The following GPR157 variants were observed in gnomAD, a reference collection of about 807,000 sequenced individuals.
The protein encoded by GPR157 is G protein-coupled receptor 157.
In GPR157, 16 loss-of-function variants were observed where a neutral mutation model predicts 23.5. The observed-to-expected ratio is 0.68, with a 90% confidence interval of 0.46 to 1.04. The LOEUF (loss-of-function observed/expected upper bound fraction) is 1.04. Among genes scored for constraint, GPR157 ranks in the 50% least tolerant of loss-of-function variants. The pLI is 0.00. For synonymous variants in GPR157, 200 were observed against 221.5 expected, an observed-to-expected ratio of 0.90 and a Z score of 0.86; for missense variants, 440 against 460.7, an observed-to-expected ratio of 0.96 and a Z score of 0.41.
chr1:9,120,300 C>T lies in GPR157; in HGVS notation c.383+8345G>A, dbSNP rs6657535. 6.6e-6 allele frequency among the ~76,000 whole-genome samples: 1 copy of T among 152,134 alleles called. No homozygotes were observed. Among genetic ancestry groups the T allele is most frequent in the African/African-American group, 2.4e-5 (1 of 41,412 alleles). ...CCCAAACTTCATCCTTCCTACAGAT[C>T]TCTGGGGGCTGGCACCTGCCAGGAG... On this transcript the variant is annotated intron_variant, in intron 1 of 3. Coordinates refer to ENST00000377411, the MANE Select transcript of GPR157 (RefSeq NM_024980.5). This position sits in a 1 kb window ranked among gnomAD's most constrained non-coding sequence, Gnocchi z 4.1.
Position 9,101,819 on chromosome 1 carries a change from C to T in GPR157, c.*2600G>A, listed in dbSNP as rs1642569834. The stretch of plus-strand genomic sequence containing the variant: ...GTACAGCAGGGAGGGCTCCAGAGGC[C>T]CCTGCTGAGCAGGGTTGATCCTAAC... On this transcript the variant is annotated 3_prime_UTR_variant, in exon 4 of 4. Coordinates refer to ENST00000377411, the MANE Select transcript of GPR157 (RefSeq NM_024980.5). 6.6e-6 allele frequency: 1 copy of T among 152,162 alleles called. No homozygotes were observed. 9.4% of individuals were successfully genotyped at this position (152,162 alleles called of 1,614,324 possible). A position where few individuals can be genotyped will look rare whatever the true frequency, so the allele number is the denominator to read the frequency against.
At chr1:9,121,169 C>A (rs1170103000) in intron 1 of GPR157, among the ~76,000 whole-genome samples, 1 of 151,782 alleles carries the variant, frequency 6.6e-6, no homozygotes, top group African/African-American at 2.4e-5. Flanking sequence ...CCCGTCTTTA[C>A]TAAAAATACA....
At chr1:9,117,700 T>C (rs1003562785) in intron 1 of GPR157, among the ~76,000 whole-genome samples, 1 of 151,986 alleles carries the variant, frequency 6.6e-6, no homozygotes, top group Non-Finnish European at 1.5e-5. Context: ...AGGTGGAGGT[T>C]GCAGTAAACT....
intron 1 of GPR157, among the ~76,000 whole-genome samples, chr1:9,112,277 C>T (rs1638528014): frequency 6.6e-6 from 1 of 152,210 alleles, no homozygotes; most frequent in Admixed American, 6.5e-5. Flanking sequence ...CAGGGAATTC[C>T]AGGGTTCTGC....
Position 9,105,256 on chromosome 1 carries a change from T to A in GPR157, c.792+230A>T, listed in dbSNP as rs887403347. On this transcript the variant is annotated intron_variant, in intron 3 of 3. Transcript: ENST00000377411. This position sits in a 1 kb window ranked among gnomAD's most constrained non-coding sequence, Gnocchi z 4.8. ...CAGTCAACTCTCCTAGGGCTACTCC[T>A]AGGTCACTGGTGAGCACCTCACCAC... Among the ~76,000 whole-genome samples the A allele has an allele frequency of 6.6e-6, 1 of 152,078 alleles. No individual in the cohort carries two copies. Among genetic ancestry groups the A allele is most frequent in the Admixed American group, 6.5e-5 (1 of 15,276 alleles).
At chr1:9,121,466 C>A (rs1004886239) in intron 1 of GPR157, among the ~76,000 whole-genome samples, 1 of 151,860 alleles carries the variant, frequency 6.6e-6, no homozygotes, top group Non-Finnish European at 1.5e-5. Context: ...GGTAAAACAC[C>A]GTCTCTACTA....
Position 9,102,410 on chromosome 1 carries a change from C to CAAAAAAAAAA in GPR157, c.*1999_*2008dup, listed in dbSNP as rs67129142. On this transcript the variant is annotated 3_prime_UTR_variant, in exon 4 of 4. Coordinates refer to ENST00000377411, the MANE Select transcript of GPR157 (RefSeq NM_024980.5). ...TGGGCAATAGAGTGAGACTCCATCT[C>CAAAAAAAAAA]AAAAAAAAAAAAAAAAAAAAAGAAA... 1 of 50,174 alleles carries CAAAAAAAAAA rather than the reference C, an allele frequency of 2.0e-5. No homozygotes were observed. Among genetic ancestry groups the CAAAAAAAAAA allele is most frequent in the Non-Finnish European group, 4.9e-5 (1 of 20,354 alleles). 3.1% of individuals were successfully genotyped at this position (50,174 alleles called of 1,614,324 possible).
At chr1:9,122,251 G>A (rs1209485462) in intron 1 of GPR157, among the ~76,000 whole-genome samples, 3 of 152,320 alleles carry the variant, frequency 2.0e-5, no homozygotes, top group Non-Finnish European at 2.9e-5. Flanking sequence ...AGACAAGGAC[G>A]TCTGTGGGAG....
Position 9,111,222 on chromosome 1 carries a change from C to T in GPR157, c.597+54G>A, listed in dbSNP as rs759185062. 13 of 1,551,214 alleles carry T rather than the reference C, an allele frequency of 8.4e-6. No homozygotes were observed. The Admixed American group carries it at 2.1e-4, about 24-fold the overall frequency. ...GGGCCAAACTCAATGCCAGGCCTTG[C>T]ACCTGGGCACAGCGGCCATGCAGAG... On this transcript the variant is annotated intron_variant, in intron 2 of 3. Transcript: ENST00000377411.
At chr1:9,110,925 G>A (rs1387020356) in intron 2 of GPR157, among the ~76,000 whole-genome samples, 1 of 152,216 alleles carries the variant, frequency 6.6e-6, no homozygotes, top group East Asian at 1.9e-4. Flanking sequence ...AGCCACCACA[G>A]GCCGTCCACC....
Position 9,104,585 on chromosome 1 carries a change from A to G in GPR157, c.842T>C (p.Leu281Pro), listed in dbSNP as rs777500057. The change falls in exon 4 of 4, where the codon CTC becomes CCC. Residue 281 changes from leucine (L) to proline (P), a missense_variant. Transcript: ENST00000377411. ...CCGAGTTCGGACGGCGCGGGTGCAG[A>G]GGACGAACATGATGCAGTTGGCACC... ...QGGANCIMFVLCTRAVRTRLF... is the reference protein window; with the variant it reads ...QGGANCIMFVPCTRAVRTRLF... The G allele has an allele frequency of 7.9e-5, 127 of 1,613,436 alleles. 1 individual carries two copies. The South Asian group carries it at 1.0e-3, about 13-fold the overall frequency.
chr1:9,122,337 C>T (rs190952894), intron 1 of GPR157, among the ~76,000 whole-genome samples: 315 of 152,252 alleles, frequency 2.1e-3, no homozygotes, highest in Non-Finnish European at 2.4e-3. Context: ...GAGTATCTCA[C>T]ACAACCTTAA....
Position 9,101,824 on chromosome 1 carries a change from C to T in GPR157, c.*2595G>A, listed in dbSNP as rs1642569857. The T allele has an allele frequency of 6.6e-6, 1 of 152,226 alleles. No homozygotes were observed. 9.4% of individuals were successfully genotyped at this position (152,226 alleles called of 1,614,324 possible). On this transcript the variant is annotated 3_prime_UTR_variant, in exon 4 of 4. Transcript: ENST00000377411. ...GCAGGGAGGGCTCCAGAGGCCCCTG[C>T]TGAGCAGGGTTGATCCTAACACTAT...
intron 1 of GPR157, among the ~76,000 whole-genome samples, chr1:9,123,273 TAAATATA>T (rs1396849702): frequency 9.4e-5 from 2 of 21,272 alleles, no homozygotes; most frequent in African/African-American, 4.2e-4. Context: ...TATATATATT[TAAATATA>T]TATTTAAATT....
Position 9,116,319 on chromosome 1 carries a change from TA to T in GPR157, c.384-4831del, listed in dbSNP as rs1196614020. On this transcript the variant is annotated intron_variant, in intron 1 of 3. Transcript: ENST00000377411. ...ATTATATATATTATATTATATATAA[TA>T]TATATAAATTATATATAATTTATAT... is the stretch of plus-strand genomic sequence containing the variant. 1.2e-3 allele frequency among the ~76,000 whole-genome samples: 7 copies of T among 5,636 alleles called. 1 individual carries two copies. The highest frequency in any genetic ancestry group is 7.4e-3 in the African/African-American group (5 of 678). 3.7% of individuals were successfully genotyped at this position (5,636 alleles called of 152,430 possible).
chr1:9,111,904 A>G (rs1485253964), intron 1 of GPR157, among the ~76,000 whole-genome samples: 2 of 152,140 alleles, frequency 1.3e-5, no homozygotes, highest in Non-Finnish European at 2.9e-5. Context: ...CAGGAGGTGG[A>G]GGTTGCAGTG....
At chr1:9,104,949 G>C (rs1201399290) in intron 3 of GPR157, among the ~76,000 whole-genome samples, 1 of 150,284 alleles carries the variant, frequency 6.7e-6, no homozygotes, top group Non-Finnish European at 1.5e-5. Context: ...GCAGTGAGCC[G>C]AGATCCCACC....
chr1:9,111,472 A>C lies in GPR157; in HGVS notation c.401T>G (p.Val134Gly). The change falls in exon 2 of 4, where the codon GTC (valine) becomes GGC (glycine). Residue 134 changes from valine to glycine, a missense_variant. Val to Gly is a moderately radical substitution (Grantham distance 109). Transcript: ENST00000377411. ...FHVVSWGVPL[V>G]ITVAAVALKK... Reference sequence around the variant, plus strand: ...CAGGGCGACGGCTGCCACAGTGATGACCAACGGGACCCCCCAGCTGAGGAA... The same window carrying C: ...CAGGGCGACGGCTGCCACAGTGATGCCCAACGGGACCCCCCAGCTGAGGAA... The C allele has an allele frequency of 6.2e-7, 1 of 1,613,560 alleles. No individual in the cohort carries two copies. Among genetic ancestry groups the C allele is most frequent in the Non-Finnish European group, 8.5e-7 (1 of 1,179,620 alleles).
chr1:9,107,746 G>A (rs769641980), intron 2 of GPR157, among the ~76,000 whole-genome samples: 9 of 152,172 alleles, frequency 5.9e-5, no homozygotes, highest in African/African-American at 1.2e-4. Flanking sequence ...GGCCAAAATG[G>A]TGAAACCTGT....
Sources: allele counts gnomAD v4.1 joint callset (sites outside exome capture counted in the v4.1 genomes callset), GRCh38; gene constraint gnomAD v4.1.1; non-coding constraint Gnocchi (gnomAD v3.1); transcripts MANE v1.5; gene names NCBI Gene and HGNC (gene_info 2026-07-23, HGNC 2026-07-21).